STXBP5L: variants seen among roughly 807,000 people sequenced by gnomAD.
STXBP5L encodes the protein syntaxin binding protein 5L.
In STXBP5L, 65 loss-of-function variants were observed where a neutral mutation model predicts 144.5. The ratio of observed to expected loss-of-function variants is 0.45; its 90% confidence interval spans 0.37 to 0.55. STXBP5L has a LOEUF of 0.55. Among genes scored for constraint, STXBP5L ranks in the 20% least tolerant of loss-of-function variants. The pLI is 0.00. For missense variants in STXBP5L, 1,298 were observed against 1,405.5 expected, an observed-to-expected ratio of 0.92 and a Z score of 1.22; for synonymous variants, 505 against 469.6, an observed-to-expected ratio of 1.08 and a Z score of -0.97.
At chr3:121,310,901 T>A (rs1316591066) in intron 19 of STXBP5L, among the ~76,000 whole-genome samples, 1 of 151,506 alleles carries the variant, frequency 6.6e-6, no homozygotes, top group Non-Finnish European at 1.5e-5. Context: ...AGAGCAAGAC[T>A]CTGTCTCAAA....
chr3:121,209,835 A>T (rs1156551127), intron 10 of STXBP5L, among the ~76,000 whole-genome samples: 6 of 152,176 alleles, frequency 3.9e-5, no homozygotes, highest in Non-Finnish European at 8.8e-5. Flanking sequence ...TCTATCACTG[A>T]TGGACATTTG....
chr3:121,125,106 G>A (rs187476196), intron 7 of STXBP5L, among the ~76,000 whole-genome samples: 1 of 152,260 alleles, frequency 6.6e-6, no homozygotes, highest in Admixed American at 6.5e-5. Context: ...GAAGGGGAAA[G>A]CTTCCCTTGG....
At chr3:120,970,261 C>G (rs1940094728) in intron 3 of STXBP5L, among the ~76,000 whole-genome samples, 1 of 151,912 alleles carries the variant, frequency 6.6e-6, no homozygotes, top group East Asian at 1.9e-4. Flanking sequence ...CTGAATTAGT[C>G]TTTTTTTCTT....
chr3:121,225,384 G>A (rs976248686), intron 11 of STXBP5L, among the ~76,000 whole-genome samples: 1 of 152,052 alleles, frequency 6.6e-6, no homozygotes, highest in Admixed American at 6.6e-5. Flanking sequence ...ATGAGAATTA[G>A]GGTAAAAGCC....
chr3:121,330,825 C>T (rs187069131), intron 20 of STXBP5L, among the ~76,000 whole-genome samples: 37 of 152,282 alleles, frequency 2.4e-4, no homozygotes, highest in African/African-American at 8.2e-4. Flanking sequence ...TCACATGACC[C>T]GTTCATTACT....
At chr3:121,403,686 G>A (rs1459702733) in intron 22 of STXBP5L, among the ~76,000 whole-genome samples, 3 of 152,098 alleles carry the variant, frequency 2.0e-5, no homozygotes, top group African/African-American at 4.8e-5. Context: ...TGGGATATTA[G>A]ACACTAATAA....
At chr3:121,209,578 C>T (rs968473115) in intron 10 of STXBP5L, among the ~76,000 whole-genome samples, 21 of 152,112 alleles carry the variant, frequency 1.4e-4, no homozygotes, top group African/African-American at 4.8e-4. Flanking sequence ...GCTATCCATC[C>T]CCTCTCCCCC....
At chr3:121,355,450 G>T (rs1450072544) in intron 20 of STXBP5L, among the ~76,000 whole-genome samples, 1 of 152,004 alleles carries the variant, frequency 6.6e-6, no homozygotes, top group Non-Finnish European at 1.5e-5. Context: ...TTCCATCACT[G>T]ATACCCTTTC....
intron 5 of STXBP5L, among the ~76,000 whole-genome samples, chr3:121,104,993 G>A (rs576640153): frequency 1.1e-4 from 17 of 152,068 alleles, no homozygotes; most frequent in Middle Eastern, 3.4e-3. Flanking sequence ...ATCTGACAAC[G>A]GACTATATCC....
chr3:120,971,165 C>A (rs1478279372), intron 3 of STXBP5L, among the ~76,000 whole-genome samples: 1 of 152,048 alleles, frequency 6.6e-6, no homozygotes, highest in African/African-American at 2.4e-5. Flanking sequence ...GAAATTTGGG[C>A]CTTCCTGCAG....
At chr3:121,172,814 G>T (rs2046778519) in intron 9 of STXBP5L, among the ~76,000 whole-genome samples, 1 of 152,162 alleles carries the variant, frequency 6.6e-6, no homozygotes, top group East Asian at 1.9e-4. Context: ...ATTTAACTCA[G>T]CTATCCCATT....
At chr3:121,223,649 C>A (rs2049036759) in intron 11 of STXBP5L, among the ~76,000 whole-genome samples, 2 of 152,070 alleles carry the variant, frequency 1.3e-5, no homozygotes, top group Admixed American at 1.3e-4. Context: ...TGGTTAATGA[C>A]TTTTTAAAAT....
chr3:121,125,150 T>C (rs2044647631), intron 7 of STXBP5L, among the ~76,000 whole-genome samples: 1 of 152,134 alleles, frequency 6.6e-6, no homozygotes, highest in Non-Finnish European at 1.5e-5. Flanking sequence ...AGGAACAAAC[T>C]GCTAAAGTTA....
intron 5 of STXBP5L, among the ~76,000 whole-genome samples, chr3:121,054,897 G>A (rs1008902042): frequency 2.0e-5 from 3 of 151,848 alleles, no homozygotes; most frequent in African/African-American, 7.3e-5. Flanking sequence ...CTTTTATGTG[G>A]ATGGACAGAG....
At chr3:121,049,704 G>T (rs528287537) in intron 5 of STXBP5L, 1 of 154,258 alleles carries the variant, frequency 6.5e-6, no homozygotes, top group African/African-American at 2.4e-5. Flanking sequence ...GCAGGATAAG[G>T]TCTACTGGGC....
intron 7 of STXBP5L, among the ~76,000 whole-genome samples, chr3:121,142,206 A>G (rs2045537031): frequency 6.6e-6 from 1 of 152,012 alleles, no homozygotes; most frequent in Non-Finnish European, 1.5e-5. Flanking sequence ...CCAAGAAGAA[A>G]ATAATGATTA....
chr3:121,054,587 T>G (rs1464116715), intron 5 of STXBP5L, among the ~76,000 whole-genome samples: 4 of 94,290 alleles, frequency 4.2e-5, no homozygotes, highest in African/African-American at 1.8e-4. Flanking sequence ...CAGGGCCTGT[T>G]GTGGGGTGGG....
rs1387311059 is a variant in STXBP5L, at chr3:121,143,704, A to G, written c.670-8773A>G. Among the ~76,000 whole-genome samples the G allele has an allele frequency of 2.0e-5, 3 of 152,044 alleles. No individual in the cohort carries two copies. In the East Asian group the frequency reaches 5.8e-4, roughly 29 times the overall value. Reference sequence around the variant, plus strand: ...AGGGTGCCAAGAATACACAGTGTAGAAAGGATAATATTTTAAACAAGTGGT... The same window carrying G: ...AGGGTGCCAAGAATACACAGTGTAGGAAGGATAATATTTTAAACAAGTGGT... On this transcript the variant is annotated intron_variant, in intron 7 of 26. Coordinates refer to ENST00000471454, the MANE Select transcript of STXBP5L (RefSeq NM_001308330.2).
chr3:121,095,160 T>G (rs1258524125), intron 5 of STXBP5L, among the ~76,000 whole-genome samples: 3 of 152,208 alleles, frequency 2.0e-5, no homozygotes, highest in Non-Finnish European at 4.4e-5. Flanking sequence ...AGATCCGCTG[T>G]TAGTCTGACG....
Sources: gnomAD v4.1 joint callset for allele counts (sites outside exome capture counted in the v4.1 genomes callset) on GRCh38, gnomAD v4.1.1 for gene constraint, MANE v1.5 for transcripts, NCBI Gene and HGNC (gene_info 2026-07-23, HGNC 2026-07-21) for gene names.